DPYSL3: variants seen among roughly 807,000 people sequenced by gnomAD.
DPYSL3 encodes dihydropyrimidinase-related protein 3.
A neutral mutation model predicts 66.1 loss-of-function variants in DPYSL3; 16 were observed. That is an observed-to-expected ratio of 0.24 (90% CI 0.16 to 0.37). The LOEUF (loss-of-function observed/expected upper bound fraction) is 0.37. Among genes scored for constraint, DPYSL3 ranks in the 10% least tolerant of loss-of-function variants. The probability of loss-of-function intolerance (pLI) is 1.00; values close to 1 mark genes in which losing one functional copy is unlikely to be tolerated. For synonymous variants in DPYSL3, 338 were observed against 345.1 expected, an observed-to-expected ratio of 0.98 and a Z score of 0.23; for missense variants, 738 against 916.2, an observed-to-expected ratio of 0.81 and a Z score of 2.51.
chr5:147,494,865 C>A (rs1753475801), intron 1 of DPYSL3, among the ~76,000 whole-genome samples: 1 of 140,836 alleles, frequency 7.1e-6, no homozygotes. Flanking sequence ...GGTGACAGAG[C>A]AAGACTCCAT....
intron 1 of DPYSL3, among the ~76,000 whole-genome samples, chr5:147,488,109 G>A (rs1419229793): frequency 1.3e-5 from 2 of 152,132 alleles, no homozygotes; most frequent in Non-Finnish European, 2.9e-5. Context: ...TAAGTGGCAG[G>A]ATGTGGGAAT....
chr5:147,469,298 TGA>T (rs1315650874), intron 1 of DPYSL3, among the ~76,000 whole-genome samples: 1 of 152,230 alleles, frequency 6.6e-6, no homozygotes, highest in African/African-American at 2.4e-5. Flanking sequence ...CTTGTTGCCC[TGA>T]TAGGGCCCAG....
chr5:147,492,481 C>T (rs1753430242), intron 1 of DPYSL3, among the ~76,000 whole-genome samples: 1 of 152,072 alleles, frequency 6.6e-6, no homozygotes, highest in African/African-American at 2.4e-5. Context: ...GTACATACAT[C>T]TGCTTCTGTA....
chr5:147,407,882 T>C, intron 7 of DPYSL3, among the ~76,000 whole-genome samples: 1 of 152,218 alleles, frequency 6.6e-6, no homozygotes, highest in East Asian at 1.9e-4. Flanking sequence ...ATAACTAGTG[T>C]AACACTAGCT....
At position 147,430,479 on chromosome 5, in the gene DPYSL3, C is replaced by T. The variant is rs188757668; in HGVS notation, c.382-5516G>A. Among the ~76,000 whole-genome samples the T allele has an allele frequency of 1.6e-4, 22 of 141,826 alleles. No homozygotes were observed. In the East Asian group the frequency reaches 1.7e-3, roughly 11 times the overall value. 93.0% of individuals were successfully genotyped at this position (141,826 alleles called of 152,430 possible). A position where few individuals can be genotyped will look rare whatever the true frequency, so the allele number is the denominator to read the frequency against. On this transcript the variant is annotated intron_variant, in intron 1 of 13. Transcript: ENST00000343218. ...GAGCCAAGATCGCACCATTGCACTC[C>T]GGCCTAGGCAACAGAGTGAGACTCG...
At position 147,397,271 on chromosome 5, in the gene DPYSL3, A is replaced by C. The variant is rs143016623; in HGVS notation, c.1803+395T>G. ...AAAATACAGTAGCTAAAATGTTATA[A>C]GTGTTTGCCCCTGTGGAGCAGCACT... is the stretch of plus-strand genomic sequence containing the variant. On this transcript the variant is annotated intron_variant, in intron 12 of 13. Transcript: ENST00000343218. Among the ~76,000 whole-genome samples the C allele has an allele frequency of 2.8e-3, 428 of 152,030 alleles. 1 individual carries two copies. The highest frequency in any genetic ancestry group is 8.5e-3 in the South Asian group (41 of 4,824).
chr5:147,490,523 A>G (rs1181326353), intron 1 of DPYSL3, among the ~76,000 whole-genome samples: 6 of 152,212 alleles, frequency 3.9e-5, no homozygotes, highest in Non-Finnish European at 8.8e-5. Context: ...AAGATGCCAC[A>G]ATGATCGAAA....
intron 1 of DPYSL3, among the ~76,000 whole-genome samples, chr5:147,492,736 C>T (rs943779808): frequency 6.6e-6 from 1 of 151,862 alleles, no homozygotes; most frequent in African/African-American, 2.4e-5. Context: ...GTTAAAACCA[C>T]AAAAAACAGA....
In DPYSL3 at chr5:147,400,821, C is replaced by T; in HGVS notation, c.1323G>A (p.Gln441=). The part of the protein sequence containing the change: ...INSLLASGDL[Q]LSGSAHCTFS... Reference sequence around the variant, plus strand: ...AGGTGCAGTGGGCACTCCCAGATAGCTGCAGATCCCCGCTGGCAAAGGAGA... The same window carrying T: ...AGGTGCAGTGGGCACTCCCAGATAGTTGCAGATCCCCGCTGGCAAAGGAGA... The change falls in exon 10 of 14, where the codon CAG becomes CAA. Residue 441 remains glutamine (Q), a synonymous_variant. Transcript: ENST00000343218. 1.2e-6 allele frequency: 2 copies of T among 1,613,662 alleles called. No homozygotes were observed. Among genetic ancestry groups the T allele is most frequent in the Non-Finnish European group, 1.7e-6 (2 of 1,179,734 alleles).
intron 1 of DPYSL3, among the ~76,000 whole-genome samples, chr5:147,429,903 C>A (rs1752276379): frequency 1.3e-5 from 2 of 152,170 alleles, no homozygotes; most frequent in African/African-American, 4.8e-5. Context: ...AAAATCAGTG[C>A]AATACACCTG....
At chr5:147,463,953 T>C (rs569554150) in intron 1 of DPYSL3, among the ~76,000 whole-genome samples, 1 of 151,770 alleles carries the variant, frequency 6.6e-6, no homozygotes, top group East Asian at 1.9e-4. Context: ...CACCACTATT[T>C]GAGGGCTTAA....
chr5:147,488,498 G>A (rs1374070864), intron 1 of DPYSL3, among the ~76,000 whole-genome samples: 2 of 152,254 alleles, frequency 1.3e-5, no homozygotes, highest in East Asian at 1.9e-4. Flanking sequence ...AGCCACAGCA[G>A]TCAATAAAAA....
chr5:147,488,796 C>G (rs1055147630), intron 1 of DPYSL3, among the ~76,000 whole-genome samples: 7 of 152,006 alleles, frequency 4.6e-5, no homozygotes, highest in Non-Finnish European at 1.0e-4. Flanking sequence ...GTGTGGATCA[C>G]CTGAGGTCAG....
chr5:147,433,042 A>G (rs1482089722), intron 1 of DPYSL3, among the ~76,000 whole-genome samples: 1 of 152,220 alleles, frequency 6.6e-6, no homozygotes, highest in Non-Finnish European at 1.5e-5. Context: ...TACTCAGAAG[A>G]TTTGAAAAAG....
chr5:147,408,430 G>A (rs1271091920), intron 7 of DPYSL3, among the ~76,000 whole-genome samples: 1 of 152,134 alleles, frequency 6.6e-6, no homozygotes, highest in Non-Finnish European at 1.5e-5. Flanking sequence ...GGAATAAGTG[G>A]AAATGTCTAT....
At chr5:147,406,435 G>A (rs1758325656) in intron 7 of DPYSL3, among the ~76,000 whole-genome samples, 1 of 152,166 alleles carries the variant, frequency 6.6e-6, no homozygotes, top group South Asian at 2.1e-4. Flanking sequence ...ACACTTATAA[G>A]CTAGGTGACC....
At chr5:147,447,518 C>A (rs1752649061) in intron 1 of DPYSL3, among the ~76,000 whole-genome samples, 1 of 152,132 alleles carries the variant, frequency 6.6e-6, no homozygotes. Flanking sequence ...GGAGAAAAGG[C>A]AAAGTTGAGC....
At chr5:147,399,933 G>T (rs903456341) in intron 10 of DPYSL3, among the ~76,000 whole-genome samples, 1 of 152,130 alleles carries the variant, frequency 6.6e-6, no homozygotes. Context: ...GCCTCTTTAC[G>T]GAAAGAATTG....
intron 1 of DPYSL3, among the ~76,000 whole-genome samples, chr5:147,448,656 G>C: frequency 6.6e-6 from 1 of 152,186 alleles, no homozygotes; most frequent in East Asian, 1.9e-4. Flanking sequence ...GCAATAAGCA[G>C]GAAGGTTTTT....
Sources: gnomAD v4.1 joint callset for allele counts (sites outside exome capture counted in the v4.1 genomes callset) on GRCh38, gnomAD v4.1.1 for gene constraint, MANE v1.5 for transcripts, NCBI Gene and HGNC (gene_info 2026-07-23, HGNC 2026-07-21) for gene names.